ERBIN: variants seen among roughly 807,000 people sequenced by gnomAD.
ERBIN encodes densin-180-like protein.
ERBIN carries 60 observed loss-of-function variants against 158.4 expected under a neutral mutation model. The observed-to-expected ratio is 0.38, with a 90% CI of 0.31 to 0.47. ERBIN has a LOEUF of 0.47. Among genes scored for constraint, ERBIN ranks in the 20% least tolerant of loss-of-function variants. ERBIN has a pLI of 0.99. For synonymous variants in ERBIN, 594 were observed against 557.2 expected, an observed-to-expected ratio of 1.07 and a Z score of -0.93; for missense variants, 1,610 against 1,648.0, an observed-to-expected ratio of 0.98 and a Z score of 0.40.
At chr5:65,977,958 GGGGAGA>G (rs143829708) in intron 1 of ERBIN, among the ~76,000 whole-genome samples, 13 of 145,938 alleles carry the variant, frequency 8.9e-5, no homozygotes, top group African/African-American at 2.1e-4. Flanking sequence ...GAGAGGGTTA[GGGGAGA>G]GGGAGAGGGA....
At chr5:66,029,650 G>A (rs1232615580) in intron 14 of ERBIN, among the ~76,000 whole-genome samples, 1 of 152,116 alleles carries the variant, frequency 6.6e-6, no homozygotes, top group Admixed American at 6.5e-5. Flanking sequence ...CTGCCGCCAG[G>A]CTGGAGTGCA....
intron 22 of ERBIN, among the ~76,000 whole-genome samples, chr5:66,072,704 A>G (rs1268735607): frequency 6.6e-6 from 1 of 152,206 alleles, no homozygotes; most frequent in Non-Finnish European, 1.5e-5. Context: ...ATTAGAAATC[A>G]TCTTGAAAGA....
At chr5:65,971,074 G>T (rs1450407855) in intron 1 of ERBIN, among the ~76,000 whole-genome samples, 2 of 152,158 alleles carry the variant, frequency 1.3e-5, no homozygotes, top group South Asian at 4.1e-4. Flanking sequence ...GATTCCTTTT[G>T]TTATTTTAGT....
chr5:66,046,512 A>G lies in ERBIN; in HGVS notation c.1762A>G (p.Ile588Val). Residue 588 changes from isoleucine to valine, a missense_variant, in exon 18 of 26, where the codon ATT (isoleucine) becomes GTT (valine). This residue lies in a region of ERBIN where 596 missense variants were observed against 711.9 expected (regional missense o/e 0.84). Coordinates refer to ENST00000284037, the MANE Select transcript of ERBIN (RefSeq NM_001253697.2). ...NMKASENLKH[I>V]VNHDDVFEES... ...GAAAGCCTCTGAGAACTTGAAGCAT[A>G]TTGTTAACCATGATGATGTTTTTGA... 1.3e-6 allele frequency: 2 copies of G among 1,592,136 alleles called. No homozygotes were observed. Among genetic ancestry groups the G allele is most frequent in the South Asian group, 1.2e-5 (1 of 86,904 alleles).
chr5:66,080,242 C>T lies in ERBIN; in HGVS notation c.*1712C>T, dbSNP rs559770960. On this transcript the variant is annotated 3_prime_UTR_variant, in exon 26 of 26. Coordinates refer to ENST00000284037, the MANE Select transcript of ERBIN (RefSeq NM_001253697.2). ...CTTGCTAGTCAGAGTAAGTAGGCAG[C>T]ACTTTTAAAAATATGTGAACTCAAA... is the stretch of plus-strand genomic sequence containing the variant. 6.6e-6 allele frequency: 1 copy of T among 152,606 alleles called. No homozygotes were observed. The highest frequency in any genetic ancestry group is 2.1e-4 in the South Asian group (1 of 4,826). The allele number at this position is 152,606 out of a possible 1,614,324, so 9.5% of individuals were successfully genotyped here.
chr5:65,955,910 A>C (rs975672503), intron 1 of ERBIN, among the ~76,000 whole-genome samples: 1 of 152,248 alleles, frequency 6.6e-6, no homozygotes, highest in African/African-American at 2.4e-5. Flanking sequence ...TGCACCATCC[A>C]GGGCAAGATA....
intron 1 of ERBIN, among the ~76,000 whole-genome samples, chr5:65,940,270 C>G (rs1296901565): frequency 1.3e-5 from 2 of 150,440 alleles, no homozygotes; most frequent in Non-Finnish European, 3.0e-5. Context: ...GCGTCTCTGC[C>G]CAGCCGCCCC....
At chr5:66,020,725 A>T (rs1755599342) in intron 7 of ERBIN, among the ~76,000 whole-genome samples, 1 of 152,024 alleles carries the variant, frequency 6.6e-6, no homozygotes, top group Non-Finnish European at 1.5e-5. Flanking sequence ...AGAAGTGTTG[A>T]TGTTAAGTTG....
chr5:66,029,636 C>G (rs893882537), intron 14 of ERBIN, among the ~76,000 whole-genome samples: 1 of 152,084 alleles, frequency 6.6e-6, no homozygotes, highest in African/African-American at 2.4e-5. Context: ...GACAGAGTCT[C>G]GCTCTGCCGC....
chr5:65,976,001 T>G (rs1181122323), intron 1 of ERBIN, among the ~76,000 whole-genome samples: 1 of 152,166 alleles, frequency 6.6e-6, no homozygotes, highest in Non-Finnish European at 1.5e-5. Flanking sequence ...CCCTAAGTCA[T>G]GCATAATGAA....
At chr5:65,939,779 C>G (rs1352782959) in intron 1 of ERBIN, among the ~76,000 whole-genome samples, 6 of 152,294 alleles carry the variant, frequency 3.9e-5, no homozygotes, top group Non-Finnish European at 8.8e-5. Flanking sequence ...CAGCTCCGAA[C>G]TGCGAGTGAT....
At chr5:66,058,803 C>T (rs1231154492) in intron 21 of ERBIN, among the ~76,000 whole-genome samples, 2 of 151,614 alleles carry the variant, frequency 1.3e-5, no homozygotes, top group African/African-American at 4.9e-5. Flanking sequence ...ATCCTTTCCC[C>T]ATTTCTTGTT....
chr5:66,015,242 CT>C (rs1387436608), intron 7 of ERBIN, among the ~76,000 whole-genome samples: 2 of 152,134 alleles, frequency 1.3e-5, no homozygotes, highest in Non-Finnish European at 2.9e-5. Flanking sequence ...AGAAACAGGT[CT>C]ACAAACTCGA....
chr5:66,066,748 G>A (rs1761042382), intron 21 of ERBIN, among the ~76,000 whole-genome samples: 1 of 152,152 alleles, frequency 6.6e-6, no homozygotes, highest in Non-Finnish European at 1.5e-5. Context: ...CATGGTAAGT[G>A]TTACGTTCAC....
In ERBIN at chr5:65,952,201, T is replaced by C. The variant is rs560556802; in HGVS notation, c.-58+25395T>C. Among the ~76,000 whole-genome samples, 126 of 152,072 alleles carry C rather than the reference T, an allele frequency of 8.3e-4. No homozygotes were observed. The Middle Eastern group carries it at 0.01, about 12-fold the overall frequency. On this transcript the variant is annotated intron_variant, in intron 1 of 25. Transcript: ENST00000284037. ...CATAAAGAATCATTAGCTTTTTTTT[T>C]CCCCCCAACTTTCAGACCCGTTCAC...
At chr5:65,934,175 C>T (rs7730926) in intron 1 of ERBIN, among the ~76,000 whole-genome samples, 6,428 of 152,248 alleles carry the variant, frequency 0.042, 465 homozygotes, top group African/African-American at 0.15. Flanking sequence ...GGACTACAGG[C>T]GTGAGCCACC....
intron 14 of ERBIN, among the ~76,000 whole-genome samples, chr5:66,029,869 C>T (rs1008866740): frequency 1.3e-5 from 2 of 151,866 alleles, no homozygotes; most frequent in African/African-American, 4.8e-5. Context: ...GGATTACAGG[C>T]GTGAGCCACC....
Position 66,078,419 on chromosome 5 carries a change from C to G in ERBIN, c.4132-4C>G, listed in dbSNP as rs760031656. On this transcript the variant is annotated splice_polypyrimidine_tract_variant and splice_region_variant and intron_variant, in intron 25 of 25. Transcript: ENST00000284037. ...TTTTCCTAAAAGCATTTTTCCTCTT[C>G]TAGGCTAATGGCTACAGTTTTATAA... 8 of 1,556,338 alleles carry G rather than the reference C, an allele frequency of 5.1e-6. No individual in the cohort carries two copies. In the South Asian group the frequency reaches 7.1e-5, roughly 14 times the overall value.
chr5:66,033,231 C>G (rs1211650065), intron 14 of ERBIN, among the ~76,000 whole-genome samples: 1 of 152,060 alleles, frequency 6.6e-6, no homozygotes, highest in Non-Finnish European at 1.5e-5. Context: ...AGATTTGTGG[C>G]ACAAGAAGAA....
Sources: allele counts gnomAD v4.1 joint callset (sites outside exome capture counted in the v4.1 genomes callset), GRCh38; gene constraint gnomAD v4.1.1; regional missense constraint gnomAD v4.1.1; transcripts MANE v1.5; gene names NCBI Gene and HGNC (gene_info 2026-07-23, HGNC 2026-07-21).